The following TAB3 variants were observed in gnomAD, a reference collection of about 807,000 sequenced individuals.
The protein encoded by TAB3 is TGF-beta activated kinase 1 (MAP3K7) binding protein 3.
A neutral mutation model predicts 48.1 loss-of-function variants in TAB3; 18 were observed. The observed-to-expected ratio is 0.37, with a 90% CI of 0.26 to 0.55. The LOEUF (loss-of-function observed/expected upper bound fraction) is 0.55. TAB3 is among the 20% of genes least tolerant of loss of function. The pLI, the probability that TAB3 is intolerant of heterozygous loss-of-function variation, is 0.78. For missense variants in TAB3, 414 were observed against 549.8 expected, an observed-to-expected ratio of 0.75 and a Z score of 2.47; for synonymous variants, 185 against 190.2, an observed-to-expected ratio of 0.97 and a Z score of 0.22.
At chrX:30,888,411 C>A (rs1940190917) in intron 1 of TAB3, among the ~76,000 whole-genome samples, 1 of 112,476 alleles carries the variant, frequency 8.9e-6, no homozygotes, top group African/African-American at 3.2e-5. Flanking sequence ...CACTTTAACA[C>A]ATTAACAAAC....
chrX:30,848,928 T>TG (rs1422390193), intron 7 of TAB3, among the ~76,000 whole-genome samples: 3 of 105,800 alleles, frequency 2.8e-5, no homozygotes, highest in African/African-American at 6.9e-5. Flanking sequence ...ACAGGAAGAA[T>TG]GGGGGGGAAT....
chrX:30,873,382 G>A (rs929438868), intron 1 of TAB3, among the ~76,000 whole-genome samples: 19 of 109,259 alleles, frequency 1.7e-4, no homozygotes, highest in Non-Finnish European at 2.9e-4. Flanking sequence ...AAAATTAGCC[G>A]GGCGCAGTGG....
intron 7 of TAB3, among the ~76,000 whole-genome samples, chrX:30,846,952 CTA>C (rs1347230400): frequency 1.8e-5 from 2 of 111,341 alleles, no homozygotes; most frequent in Non-Finnish European, 1.9e-5. Context: ...TATTTTGTGT[CTA>C]TGTTTTCATG....
intron 5 of TAB3, among the ~76,000 whole-genome samples, chrX:30,859,252 G>A (rs757629965): frequency 1.1e-4 from 12 of 109,730 alleles, no homozygotes; most frequent in South Asian, 7.9e-4. Flanking sequence ...TAGAGGCCTC[G>A]GATGCCTAGA....
intron 7 of TAB3, 112 bp downstream of exon 7, chrX:30,852,663 TAAC>T (rs1271026644): frequency 3.3e-5 from 27 of 827,885 alleles, no homozygotes; most frequent in East Asian, 6.6e-5. Context: ...AAAGCAACAA[TAAC>T]AACAACAACA....
chrX:30,848,273 C>T (rs1259980220), intron 7 of TAB3, among the ~76,000 whole-genome samples: 2 of 112,107 alleles, frequency 1.8e-5, no homozygotes, highest in Non-Finnish European at 3.8e-5. Flanking sequence ...CCTGTAATCC[C>T]GGCACTTTGG....
chrX:30,838,521 T>C (rs1339167602), intron 9 of TAB3, among the ~76,000 whole-genome samples: 3 of 111,992 alleles, frequency 2.7e-5, no homozygotes, highest in East Asian at 5.6e-4. Context: ...TGTATTTCCA[T>C]ATGAATTTTA....
chrX:30,844,184 T>A (rs918248557), intron 8 of TAB3: 3 of 110,650 alleles, frequency 2.7e-5, no homozygotes, highest in South Asian at 7.8e-4. Context: ...TGTGGAAGAG[T>A]AGAATTTAGT....
intron 7 of TAB3, among the ~76,000 whole-genome samples, chrX:30,849,756 G>A (rs981154090): frequency 1.8e-5 from 2 of 111,954 alleles, no homozygotes; most frequent in Admixed American, 9.5e-5. Flanking sequence ...TTCCTCAAAT[G>A]AGCCTTGATG....
At chrX:30,859,399 C>A in intron 5 of TAB3, 88 bp downstream of exon 5, 2 of 652,480 alleles carry the variant, frequency 3.1e-6, no homozygotes, top group Non-Finnish European at 4.8e-6. Context: ...CACAAGAAAA[C>A]ATACCTGGGT....
chrX:30,833,337 G>A (rs1295754918), intron 10 of TAB3, among the ~76,000 whole-genome samples: 6 of 110,060 alleles, frequency 5.5e-5, no homozygotes, highest in Admixed American at 2.9e-4. Context: ...GCCCAAAAAC[G>A]TAACACTTAA....
At chrX:30,865,931 T>G (rs1205707139) in intron 4 of TAB3, among the ~76,000 whole-genome samples, 2 of 112,115 alleles carry the variant, frequency 1.8e-5, no homozygotes, top group African/African-American at 6.5e-5. Flanking sequence ...GGATTTTTCA[T>G]GCATATATGT....
chrX:30,853,074 T>C (rs1408150729), intron 6 of TAB3, 136 bp from the exon 7 acceptor site: 3 of 599,907 alleles, frequency 5.0e-6, no homozygotes, highest in Non-Finnish European at 7.6e-6. Flanking sequence ...TTTCTAATGC[T>C]ATGCTGCCTC....
At chrX:30,852,037 G>T (rs1224861758) in intron 7 of TAB3, among the ~76,000 whole-genome samples, 1 of 112,318 alleles carries the variant, frequency 8.9e-6, no homozygotes, top group Non-Finnish European at 1.9e-5. Flanking sequence ...TAAGCATCTA[G>T]CATAGTACCA....
At chrX:30,888,000 T>C (rs1399202524) in intron 1 of TAB3, among the ~76,000 whole-genome samples, 7 of 112,206 alleles carry the variant, frequency 6.2e-5, no homozygotes, top group Non-Finnish European at 1.9e-5. Flanking sequence ...CCGGTGTTCA[T>C]AAAACACACC....
chrX:30,866,060 C>A (rs1216603256), intron 4 of TAB3, among the ~76,000 whole-genome samples: 1 of 111,273 alleles, frequency 9.0e-6, no homozygotes, highest in African/African-American at 3.3e-5. Context: ...CAGTAGAGAC[C>A]ATTTTGAAAT....
chrX:30,860,548 G>C (rs1939221639), intron 4 of TAB3, among the ~76,000 whole-genome samples: 1 of 111,660 alleles, frequency 9.0e-6, no homozygotes, highest in South Asian at 3.7e-4. Flanking sequence ...TAGTATTACA[G>C]TCAGAAATGC....
chrX:30,868,435 AG>A (rs1490551930), intron 2 of TAB3, among the ~76,000 whole-genome samples: 1 of 49,117 alleles, frequency 2.0e-5, no homozygotes, highest in African/African-American at 8.4e-5. Flanking sequence ...ATATATATAT[AG>A]CTTATATATA....
chrX:30,856,507 A>C (rs1939082621), intron 5 of TAB3, among the ~76,000 whole-genome samples: 1 of 112,267 alleles, frequency 8.9e-6, no homozygotes, highest in Admixed American at 9.5e-5. Flanking sequence ...AGAATTCCAA[A>C]CTATTTTACT....
Sources: allele counts gnomAD v4.1 joint callset (sites outside exome capture counted in the v4.1 genomes callset), GRCh38; gene constraint gnomAD v4.1.1; transcripts MANE v1.5; gene names NCBI Gene and HGNC (gene_info 2026-07-23, HGNC 2026-07-21).